The following TBC1D5 variants were observed in gnomAD, a reference collection of about 807,000 sequenced individuals.
TBC1D5 encodes TBC1 domain family member 5, also known as TBC1 domain family, member 5.
Under a neutral mutation model 100.3 loss-of-function variants are expected in TBC1D5, and 75 were observed. The ratio of observed to expected loss-of-function variants is 0.75; its 90% CI spans 0.62 to 0.91. The LOEUF is 0.91. Ranked by LOEUF, TBC1D5 falls within the 40% of genes least tolerant of loss-of-function variation. The probability of loss-of-function intolerance (pLI) is 0.00; values close to 1 mark genes in which losing one functional copy is unlikely to be tolerated. For synonymous variants in TBC1D5, 323 were observed against 325.6 expected (o/e 0.99, Z 0.09); for missense variants, 910 against 942.4 (o/e 0.97, Z 0.45).
At chr3:17,451,942 G>T (rs1372885349) in intron 3 of TBC1D5, among the ~76,000 whole-genome samples, 1 of 151,970 alleles carries the variant, frequency 6.6e-6, no homozygotes, top group East Asian at 1.9e-4. Context: ...AAAATTACAA[G>T]AAGGTTATAG....
At chr3:17,279,589 T>G (rs2080355591) in intron 15 of TBC1D5, among the ~76,000 whole-genome samples, 6 of 152,246 alleles carry the variant, frequency 3.9e-5, no homozygotes, top group Admixed American at 2.6e-4. Context: ...GGATTATCTT[T>G]GTATAGTCAC....
chr3:17,282,217 A>T (rs1049206315), intron 15 of TBC1D5, among the ~76,000 whole-genome samples: 26 of 152,232 alleles, frequency 1.7e-4, no homozygotes, highest in African/African-American at 6.0e-4. Flanking sequence ...AGTCGGCGGT[A>T]AAGGAGGGCA....
chr3:17,529,995 G>C (rs1214643852), intron 2 of TBC1D5, among the ~76,000 whole-genome samples: 1 of 152,106 alleles, frequency 6.6e-6, no homozygotes, highest in African/African-American at 2.4e-5. Context: ...TGTAATCCCA[G>C]CATTTTGGGA....
chr3:17,562,516 CAA>C (rs528694924), intron 2 of TBC1D5, among the ~76,000 whole-genome samples: 8 of 135,996 alleles, frequency 5.9e-5, no homozygotes, highest in Non-Finnish European at 6.5e-5. Context: ...TGACTTAAAA[CAA>C]AAAAAAAAAA....
chr3:17,585,419 T>C (rs1181363959), intron 2 of TBC1D5, among the ~76,000 whole-genome samples: 1 of 152,116 alleles, frequency 6.6e-6, no homozygotes, highest in Admixed American at 6.5e-5. Flanking sequence ...CATGATTATA[T>C]CAAAAATTTA....
chr3:17,258,474 T>G (rs780019852), intron 16 of TBC1D5, 32 bp downstream of exon 16: 1 of 1,590,890 alleles, frequency 6.3e-7, no homozygotes, highest in Admixed American at 1.7e-5. Context: ...ACCTTTGTGA[T>G]TTATAACTAT....
At chr3:17,301,034 A>C (rs1398813333) in intron 14 of TBC1D5, among the ~76,000 whole-genome samples, 1 of 151,238 alleles carries the variant, frequency 6.6e-6, no homozygotes, top group East Asian at 1.9e-4. Context: ...GCACCACTGC[A>C]CTCAGTCTGT....
chr3:17,163,694 G>T (rs1316570433), intron 21 of TBC1D5, among the ~76,000 whole-genome samples: 19 of 152,170 alleles, frequency 1.2e-4, no homozygotes, highest in Admixed American at 1.2e-3. Flanking sequence ...GACCAGCAGT[G>T]TTCAACAGAC....
intron 1 of TBC1D5, among the ~76,000 whole-genome samples, chr3:17,629,190 T>A (rs2063301670): frequency 6.6e-6 from 1 of 152,228 alleles, no homozygotes; most frequent in Non-Finnish European, 1.5e-5. Context: ...TCCATTTGAA[T>A]ACAAATTATA....
At chr3:17,369,196 G>T (rs2092334877) in intron 13 of TBC1D5, among the ~76,000 whole-genome samples, 1 of 152,040 alleles carries the variant, frequency 6.6e-6, no homozygotes, top group Admixed American at 6.6e-5. Context: ...TTATAAGTTT[G>T]CAGGTAAGAG....
chr3:17,639,793 A>G (rs766601777), intron 1 of TBC1D5, among the ~76,000 whole-genome samples: 7 of 152,288 alleles, frequency 4.6e-5, no homozygotes, highest in Non-Finnish European at 7.4e-5. Context: ...AAAAACAGGT[A>G]CAGAACTTTT....
At chr3:17,331,165 C>G (rs887734468) in intron 13 of TBC1D5, among the ~76,000 whole-genome samples, 2 of 152,208 alleles carry the variant, frequency 1.3e-5, no homozygotes, top group African/African-American at 4.8e-5. Flanking sequence ...GCCCTGAGGA[C>G]AGAGTTTAAA....
At chr3:17,372,858 T>C (rs1457879192) in intron 12 of TBC1D5, among the ~76,000 whole-genome samples, 2 of 152,178 alleles carry the variant, frequency 1.3e-5, no homozygotes, top group African/African-American at 2.4e-5. Flanking sequence ...TTTTAGAATA[T>C]AACATATTGG....
chr3:17,693,757 G>A (rs758074806), intron 1 of TBC1D5, among the ~76,000 whole-genome samples: 3 of 152,222 alleles, frequency 2.0e-5, no homozygotes, highest in Non-Finnish European at 4.4e-5. Flanking sequence ...TTTGAGCTCT[G>A]AGAATGGATG....
chr3:17,396,991 T>C lies in TBC1D5; in HGVS notation c.509+6190A>G, dbSNP rs114567256. Among the ~76,000 whole-genome samples, 1,521 of 152,152 alleles carry C rather than the reference T, an allele frequency of 1.0e-2. 28 individuals are homozygous for C. Among genetic ancestry groups the C allele is most frequent in the African/African-American group, 0.034 (1,417 of 41,524 alleles). ...AGAATGGAAGTATCCTCTGTAAGAG[T>C]TGTCCAGTACAGTATATACAGTAGC... is the stretch of plus-strand genomic sequence containing the variant. On this transcript the variant is annotated intron_variant, in intron 8 of 21. Transcript: ENST00000253692.
chr3:17,374,709 G>T (rs901689422), intron 10 of TBC1D5, 30 bp from the exon 11 acceptor site: 1 of 1,602,892 alleles, frequency 6.2e-7, no homozygotes, highest in Admixed American at 1.7e-5. Context: ...CAATCAAAAT[G>T]TGTAATTTTT....
At chr3:17,258,289 A>T (rs1306780768) in intron 16 of TBC1D5, among the ~76,000 whole-genome samples, 1 of 152,170 alleles carries the variant, frequency 6.6e-6, no homozygotes, top group African/African-American at 2.4e-5. Context: ...TTCAAATTGT[A>T]ACAAGTACTC....
At chr3:17,233,493 G>C (rs1038223344) in intron 17 of TBC1D5, among the ~76,000 whole-genome samples, 192 bp downstream of exon 18, 3 of 152,138 alleles carry the variant, frequency 2.0e-5, no homozygotes, top group African/African-American at 4.8e-5. Flanking sequence ...GCCATATTCG[G>C]CATCACCAAG....
intron 13 of TBC1D5, among the ~76,000 whole-genome samples, chr3:17,345,101 G>A (rs1182279211): frequency 2.0e-5 from 3 of 151,990 alleles, no homozygotes; most frequent in African/African-American, 7.3e-5. Flanking sequence ...CTTCTGCACA[G>A]CAAAAGAAAC....
Sources: allele counts gnomAD v4.1 joint callset (sites outside exome capture counted in the v4.1 genomes callset), GRCh38; gene constraint gnomAD v4.1.1; transcripts MANE v1.5; gene names NCBI Gene and HGNC (gene_info 2026-07-23, HGNC 2026-07-21).